Variants in DHX8 observed in about 807,000 individuals in gnomAD.
DHX8 encodes the protein ATP-dependent RNA helicase DHX8.
In DHX8, 67 loss-of-function variants were observed where a neutral mutation model predicts 140.7. That is an observed-to-expected ratio of 0.48 (90% CI 0.39 to 0.58). The LOEUF (loss-of-function observed/expected upper bound fraction) is 0.58, where lower values mean the gene tolerates loss of function less well. Ranked by LOEUF, DHX8 falls within the 20% of genes least tolerant of loss-of-function variation. DHX8 has a pLI of 0.00. For synonymous variants in DHX8, 533 were observed against 553.2 expected, an observed-to-expected ratio of 0.96 and a Z score of 0.51; for missense variants, 887 against 1,550.7, an observed-to-expected ratio of 0.57 and a Z score of 7.19.
At chr17:43,538,116 G>C (rs1971339269) in intron 3 of DHX8, among the ~76,000 whole-genome samples, 1 of 146,404 alleles carries the variant, frequency 6.8e-6, no homozygotes, top group Non-Finnish European at 1.5e-5. Flanking sequence ...ACTCCAGCCT[G>C]GGTGACAGAG....
At chr17:43,517,481 C>T (rs1290230553) in intron 18 of DHX8, 159 bp downstream of exon 18, 11 of 824,072 alleles carry the variant, frequency 1.3e-5, no homozygotes, top group Admixed American at 3.2e-5. Context: ...CAGCCTCTCA[C>T]GGCAGGTCTG....
chr17:43,500,607 TC>T (rs1423233044), intron 11 of DHX8, among the ~76,000 whole-genome samples: 1 of 152,086 alleles, frequency 6.6e-6, no homozygotes, highest in African/African-American at 2.4e-5. Context: ...ACTGAGTTTT[TC>T]TTCTGAATCA....
chr17:43,506,573 C>T (rs1969506235), intron 12 of DHX8, among the ~76,000 whole-genome samples: 1 of 149,400 alleles, frequency 6.7e-6, no homozygotes. Flanking sequence ...GAGCTGAGAT[C>T]ATGCCACTGC....
At chr17:43,516,729 A>G (rs950435895) in intron 17 of DHX8, among the ~76,000 whole-genome samples, 1 of 152,170 alleles carries the variant, frequency 6.6e-6, no homozygotes, top group African/African-American at 2.4e-5. Context: ...GATTATAGGC[A>G]TAAGCCACGA....
chr17:43,526,781 A>C, downstream of DHX8: 1 of 1,114,738 alleles, frequency 9.0e-7, no homozygotes, highest in Non-Finnish European at 1.2e-6. Flanking sequence ...TAAATTATAT[A>C]TTTTTAAAAC....
chr17:43,524,189 A>T lies in DHX8; in HGVS notation c.*342A>T. 8.6e-7 allele frequency: 1 copy of T among 1,157,578 alleles called. No homozygotes were observed. Among genetic ancestry groups the T allele is most frequent in the Non-Finnish European group, 1.1e-6 (1 of 932,336 alleles). 71.7% of individuals were successfully genotyped at this position (1,157,578 alleles called of 1,614,324 possible). A position where few individuals can be genotyped will look rare whatever the true frequency, so the allele number is the denominator to read the frequency against. On this transcript the variant is annotated 3_prime_UTR_variant, in exon 23 of 23. Transcript: ENST00000262415. ...GAGCATCTTGTGCAGGGACATGGTG[A>T]GTGCCCTGATGCCCCAGCTAGCAGG...
chr17:43,504,010 G>C (rs936023964), intron 11 of DHX8, among the ~76,000 whole-genome samples: 3 of 151,884 alleles, frequency 2.0e-5, no homozygotes, highest in African/African-American at 7.3e-5. Flanking sequence ...CCAGGAATTT[G>C]AGGCTGCAGT....
chr17:43,486,022 C>T (rs1450668439), intron 1 of DHX8, among the ~76,000 whole-genome samples: 4 of 151,642 alleles, frequency 2.6e-5, no homozygotes, highest in Non-Finnish European at 4.4e-5. Flanking sequence ...CATGGCGAAA[C>T]GCCATTTCTA....
At chr17:43,499,066 G>A (rs1215019366) in intron 10 of DHX8, 107 bp downstream of exon 10, 1 of 800,554 alleles carries the variant, frequency 1.2e-6, no homozygotes, top group Non-Finnish European at 2.0e-6. Flanking sequence ...GCCACAGAAA[G>A]TATTACTGGC....
chr17:43,498,615 A>G (rs1969010528), intron 9 of DHX8, among the ~76,000 whole-genome samples: 2 of 150,628 alleles, frequency 1.3e-5, no homozygotes, highest in Admixed American at 1.3e-4. Context: ...AAGCCTGGAT[A>G]ATTTTTGGAT....
intron 2 of DHX8, chr17:43,532,838 G>C (rs1429973238): frequency 1.2e-6 from 2 of 1,613,846 alleles, no homozygotes; most frequent in Non-Finnish European, 1.7e-6. Flanking sequence ...GGGTGGGCAG[G>C]GCTCCGACAG....
downstream of DHX8, chr17:43,529,582 C>T: frequency 6.2e-7 from 1 of 1,614,134 alleles, no homozygotes; most frequent in African/African-American, 1.3e-5. Flanking sequence ...GGTCATCCAG[C>T]AAGGCCACCA....
At chr17:43,526,178 T>C (rs1366514775), downstream of DHX8, 1 of 985,244 alleles carries the variant, frequency 1.0e-6, no homozygotes, top group Non-Finnish European at 1.2e-6. Context: ...TGCCTGCTGC[T>C]CTCACACAAT....
At chr17:43,532,582 T>C (rs935419928) in intron 2 of DHX8, 2 of 1,186,942 alleles carry the variant, frequency 1.7e-6, no homozygotes, top group African/African-American at 3.1e-5. Flanking sequence ...ATGTATGAAA[T>C]GGTAAACAGC....
In DHX8 at chr17:43,520,888, T is replaced by C. The variant is rs763825384; in HGVS notation, c.3066+9T>C. 3 of 1,601,516 alleles carry C rather than the reference T, an allele frequency of 1.9e-6. No individual in the cohort carries two copies. Among genetic ancestry groups the C allele is most frequent in the African/African-American group, 1.3e-5 (1 of 74,300 alleles). On this transcript the variant is annotated intron_variant, in intron 20 of 22. Coordinates refer to ENST00000262415, the MANE Select transcript of DHX8 (RefSeq NM_004941.3). ...TCTTCTATAGGCCCAAGGTAGGAAG[T>C]TCAGATCCAAGTTTAGATGGGGGTG...
At chr17:43,544,644 CA>C (rs960787200), downstream of DHX8, 7 of 229,128 alleles carry the variant, frequency 3.1e-5, no homozygotes, top group African/African-American at 1.4e-4. Context: ...TTCTGCAAAA[CA>C]AACTTTACAA....
chr17:43,492,581 G>T (rs1197270511), intron 5 of DHX8, 100 bp from the exon 6 acceptor site: 31 of 701,812 alleles, frequency 4.4e-5, no homozygotes, highest in Non-Finnish European at 2.5e-6. Context: ...AAAACCTAGT[G>T]GGTACCTACC....
chr17:43,530,341 A>T (rs1970848137), downstream of DHX8: 5 of 1,478,144 alleles, frequency 3.4e-6, no homozygotes, highest in Admixed American at 2.3e-5. Context: ...AATCCCAGGG[A>T]AAGTTCACCC....
intron 12 of DHX8, among the ~76,000 whole-genome samples, chr17:43,505,928 G>T (rs1183589325): frequency 2.0e-5 from 3 of 152,124 alleles, no homozygotes; most frequent in East Asian, 3.9e-4. Context: ...TACTGTGTGT[G>T]TTTACAGGTG....
Sources: gnomAD v4.1 joint callset for allele counts (sites outside exome capture counted in the v4.1 genomes callset) on GRCh38, gnomAD v4.1.1 for gene constraint, MANE v1.5 for transcripts, NCBI Gene and HGNC (gene_info 2026-07-23, HGNC 2026-07-21) for gene names.